The following SAV1 variants were observed in gnomAD, a reference collection of about 807,000 sequenced individuals.
The protein encoded by SAV1 is salvador family WW domain containing protein 1.
A neutral mutation model predicts 47.3 loss-of-function variants in SAV1; 23 were observed. The observed-to-expected ratio is 0.49, with a 90% confidence interval of 0.35 to 0.69. The LOEUF (loss-of-function observed/expected upper bound fraction) is 0.69. Ranked by LOEUF, SAV1 falls within the 30% of genes least tolerant of loss-of-function variation. The pLI is 0.01. For synonymous variants in SAV1, 155 were observed against 159.2 expected, an observed-to-expected ratio of 0.97 and a Z score of 0.20; for missense variants, 448 against 457.4, an observed-to-expected ratio of 0.98 and a Z score of 0.19.
chr14:50,661,623 A>G (rs1465764819), intron 2 of SAV1, among the ~76,000 whole-genome samples: 4 of 152,214 alleles, frequency 2.6e-5, no homozygotes, highest in African/African-American at 9.6e-5. Flanking sequence ...ATGGTGAGAC[A>G]AGGGTCAGAT....
intron 1 of SAV1, among the ~76,000 whole-genome samples, chr14:50,666,165 A>G (rs529395273): frequency 6.6e-6 from 1 of 152,330 alleles, no homozygotes; most frequent in Non-Finnish European, 1.5e-5. Context: ...GGAATTACCT[A>G]GCACTAGCAC....
chr14:50,634,373 G>A lies in SAV1; in HGVS notation c.*810C>T, dbSNP rs1469618943. Reference sequence around the variant, plus strand: ...TTTTATTTTTTATTTTTTGAGACAAGGTCTGGCTCTCTCTCTCTCAGGCTG... The same window carrying A: ...TTTTATTTTTTATTTTTTGAGACAAAGTCTGGCTCTCTCTCTCTCAGGCTG... On this transcript the variant is annotated 3_prime_UTR_variant, in exon 5 of 5. Coordinates refer to ENST00000324679, the MANE Select transcript of SAV1 (RefSeq NM_021818.4). 1 of 297,292 alleles carries A rather than the reference G, an allele frequency of 3.4e-6. No individual in the cohort carries two copies. The highest frequency in any genetic ancestry group is 8.6e-5 in the East Asian group (1 of 11,694). 18.4% of individuals were successfully genotyped at this position (297,292 alleles called of 1,614,324 possible). A position where few individuals can be genotyped will look rare whatever the true frequency, so the allele number is the denominator to read the frequency against.
chr14:50,657,196 A>G (rs1229194418), intron 2 of SAV1, among the ~76,000 whole-genome samples: 2 of 151,902 alleles, frequency 1.3e-5, no homozygotes, highest in African/African-American at 4.8e-5. Flanking sequence ...CACCATGCCC[A>G]GCTAATTTTT....
intron 2 of SAV1, among the ~76,000 whole-genome samples, chr14:50,646,640 G>A (rs988943835): frequency 6.9e-6 from 1 of 145,702 alleles, no homozygotes; most frequent in South Asian, 2.1e-4. Flanking sequence ...AGCTGAGAAC[G>A]CGCCATTACA....
intron 2 of SAV1, among the ~76,000 whole-genome samples, chr14:50,656,437 T>G (rs971756201): frequency 7.4e-6 from 1 of 134,420 alleles, no homozygotes; most frequent in Non-Finnish European, 1.5e-5. Flanking sequence ...ATACCCCAAC[T>G]GTATTTTTTT....
chr14:50,651,746 C>G (rs947280406), intron 2 of SAV1, among the ~76,000 whole-genome samples: 1 of 152,148 alleles, frequency 6.6e-6, no homozygotes, highest in Non-Finnish European at 1.5e-5. Flanking sequence ...CCCACCTCAG[C>G]CTCCCAAGTA....
In SAV1 at chr14:50,665,416, C is replaced by A. The variant is rs765119716; in HGVS notation, c.298G>T (p.Ala100Ser). The change falls in exon 2 of 5, where the codon GCC becomes TCC. Residue 100 changes from alanine (A) to serine (S), a missense_variant. Physicochemically the swap from Ala to Ser is moderately conservative, Grantham distance 99. Coordinates refer to ENST00000324679, the MANE Select transcript of SAV1 (RefSeq NM_021818.4). ...CTAGGGACATCTGCTAGACTTCTGG[C>A]AAGATAAGAAGGTGCAGATAATCTG... Reference protein sequence around the residue: ...SNRLSAPSYLARSLADVPREY... With the variant: ...SNRLSAPSYLSRSLADVPREY... 2 of 1,612,448 alleles carry A rather than the reference C, an allele frequency of 1.2e-6. No homozygotes were observed. Among genetic ancestry groups the A allele is most frequent in the Non-Finnish European group, 8.5e-7 (1 of 1,179,116 alleles).
intron 2 of SAV1, among the ~76,000 whole-genome samples, chr14:50,652,094 AC>A (rs2039774408): frequency 6.6e-6 from 1 of 152,240 alleles, no homozygotes; most frequent in South Asian, 2.1e-4. Context: ...ATAATTGTCA[AC>A]AGGAACCAAG....
intron 4 of SAV1, chr14:50,637,696 T>C (rs2039647668): frequency 7.5e-6 from 1 of 133,762 alleles, no homozygotes; most frequent in Non-Finnish European, 1.5e-5. Flanking sequence ...TTTTAAGAGA[T>C]GAAGATCTCC....
At chr14:50,663,547 T>C (rs2140265578) in intron 2 of SAV1, among the ~76,000 whole-genome samples, 1 of 152,328 alleles carries the variant, frequency 6.6e-6, no homozygotes, top group South Asian at 2.1e-4. Flanking sequence ...TCCTCTACAA[T>C]GTTCCAGTGA....
At chr14:50,655,938 G>C (rs923085923) in intron 2 of SAV1, among the ~76,000 whole-genome samples, 2 of 152,162 alleles carry the variant, frequency 1.3e-5, no homozygotes, top group African/African-American at 4.8e-5. Flanking sequence ...CCAGCTACTA[G>C]AGAGGATGAG....
At position 50,635,354 on chromosome 14, in the gene SAV1, G is replaced by C. The variant is rs1440246566; in HGVS notation, c.981C>G (p.Phe327Leu). 6.2e-7 allele frequency: 1 copy of C among 1,614,094 alleles called. No homozygotes were observed. The highest frequency in any genetic ancestry group is 1.7e-5 in the Admixed American group (1 of 60,020). ...KYDHILKWELFQLADLDTYQG... is the reference protein window; with the variant it reads ...KYDHILKWELLQLADLDTYQG... Reference sequence around the variant, plus strand: ...GGTATGTATCCAGGTCAGCCAGCTGGAAGAGTTCCCACTTCAGAATGTGGT... The same window carrying C: ...GGTATGTATCCAGGTCAGCCAGCTGCAAGAGTTCCCACTTCAGAATGTGGT... Residue 327 changes from phenylalanine to leucine, a missense_variant, in exon 5 of 5, where the codon TTC (phenylalanine) becomes TTG (leucine). Transcript: ENST00000324679.
chr14:50,655,071 T>C (rs1421737318), intron 2 of SAV1, among the ~76,000 whole-genome samples: 10 of 152,208 alleles, frequency 6.6e-5, no homozygotes, highest in South Asian at 2.1e-4. Flanking sequence ...TAGGCTTCTA[T>C]TAAACTGCAA....
At position 50,645,012 on chromosome 14, in the gene SAV1, T is replaced by C. The variant is rs772357568; in HGVS notation, c.538A>G (p.Ile180Val). ...AAAGATGTAGCAGCAACTCTCCCAA[T>C]ACCTACGGGGAAAGAGAAAATGATA... Reference protein sequence around the residue: ...PQNQGRHASGIGRVAATSLGN... With the variant: ...PQNQGRHASGVGRVAATSLGN... The change falls in exon 3 of 5, where the codon ATT becomes GTT. Residue 180 changes from isoleucine (I) to valine (V), a missense_variant and splice_region_variant. By Grantham distance (29) the Ile-to-Val change is conservative (BLOSUM62 3). Transcript: ENST00000324679. 5 of 1,606,210 alleles carry C rather than the reference T, an allele frequency of 3.1e-6. No individual in the cohort carries two copies. Among genetic ancestry groups the C allele is most frequent in the Non-Finnish European group, 4.2e-6 (5 of 1,178,548 alleles).
Position 50,634,516 on chromosome 14 carries a change from T to A in SAV1, c.*667A>T, listed in dbSNP as rs1356659845. 6.3e-6 allele frequency: 1 copy of A among 159,272 alleles called. No homozygotes were observed. 9.9% of individuals were successfully genotyped at this position (159,272 alleles called of 1,614,324 possible). ...GGCACACACCATCATACCCGGCTAA[T>A]TTTTTTGTATTTTTTGTAGAGATGG... On this transcript the variant is annotated 3_prime_UTR_variant, in exon 5 of 5. Transcript: ENST00000324679.
At chr14:50,641,504 T>C (rs1352707852) in intron 3 of SAV1, among the ~76,000 whole-genome samples, 1 of 152,140 alleles carries the variant, frequency 6.6e-6, no homozygotes, top group Non-Finnish European at 1.5e-5. Context: ...GGTTAATAGC[T>C]GAACTCGAAG....
intron 2 of SAV1, 144 bp downstream of exon 2, chr14:50,665,035 A>G: frequency 9.1e-7 from 1 of 1,104,050 alleles, no homozygotes; most frequent in Non-Finnish European, 1.2e-6. Flanking sequence ...CTATTTGCAC[A>G]CAGGCTTAAG....
At chr14:50,667,580 C>T (rs2039913358) in intron 1 of SAV1, 4 of 501,914 alleles carry the variant, frequency 8.0e-6, no homozygotes, top group Non-Finnish European at 1.5e-5. Flanking sequence ...ATGTTTCCTA[C>T]TCTCTCTTCC....
intron 3 of SAV1, among the ~76,000 whole-genome samples, chr14:50,643,258 A>G (rs926869138): frequency 6.6e-6 from 1 of 152,196 alleles, no homozygotes; most frequent in Admixed American, 6.5e-5. Context: ...GTATTAGTCT[A>G]TTTTCACAAT....
Sources: allele counts gnomAD v4.1 joint callset (sites outside exome capture counted in the v4.1 genomes callset), GRCh38; gene constraint gnomAD v4.1.1; transcripts MANE v1.5; gene names NCBI Gene and HGNC (gene_info 2026-07-23, HGNC 2026-07-21).